Variants in GREB1L observed in about 807,000 individuals in gnomAD.
GREB1L encodes the protein GREB1 like retinoic acid receptor coactivator, also known as GREB1-like protein.
GREB1L carries 17 observed loss-of-function variants against 200.8 expected under a neutral mutation model. That is an observed-to-expected ratio of 0.08 (90% CI 0.06 to 0.13). The LOEUF (loss-of-function observed/expected upper bound fraction) is 0.13, where lower values mean the gene tolerates loss of function less well. Among genes scored for constraint, GREB1L ranks in the 10% least tolerant of loss-of-function variants. The pLI, the probability that GREB1L is intolerant of heterozygous loss-of-function variation, is 1.00. For missense variants in GREB1L, 1,657 were observed against 2,367.7 expected (o/e 0.70, Z 6.23); for synonymous variants, 789 against 893.0 (o/e 0.88, Z 2.08).
intron 1 of GREB1L, among the ~76,000 whole-genome samples, chr18:21,358,075 A>AT (rs1026430011): frequency 2.0e-5 from 3 of 152,122 alleles, no homozygotes; most frequent in African/African-American, 7.2e-5. Context: ...AACAATATTC[A>AT]TTTTTTAAAT....
At chr18:21,459,410 C>T (rs775193306) in intron 15 of GREB1L, among the ~76,000 whole-genome samples, 8 of 151,120 alleles carry the variant, frequency 5.3e-5, no homozygotes, top group Admixed American at 1.3e-4. Flanking sequence ...CCCAGCCTTC[C>T]GAGTAGCTTG....
chr18:21,493,344 G>T (rs1156276857), intron 19 of GREB1L, among the ~76,000 whole-genome samples: 1 of 152,176 alleles, frequency 6.6e-6, no homozygotes, highest in Non-Finnish European at 1.5e-5. Flanking sequence ...GCTTTCATTA[G>T]ATGTCCTTGT....
chr18:21,500,004 G>A lies in GREB1L; in HGVS notation c.3667G>A (p.Gly1223Ser), dbSNP rs1296113358. 2 of 1,551,448 alleles carry A rather than the reference G, an allele frequency of 1.3e-6. No individual in the cohort carries two copies. The highest frequency in any genetic ancestry group is 1.7e-6 in the Non-Finnish European group (2 of 1,146,980). Residue 1223 changes from glycine (G) to serine (S), a missense_variant, in exon 22 of 33, where the codon GGC (glycine) becomes AGC (serine). By Grantham distance (56) the Gly-to-Ser change is moderately conservative. Transcript: ENST00000424526. ...WPGQPIRGCRGPQAALPPVVI... is the reference protein window; with the variant it reads ...WPGQPIRGCRSPQAALPPVVI... The stretch of plus-strand genomic sequence containing the variant: ...GGGACAGCCCATCAGAGGCTGCCGG[G>A]GCCCACAGGCAGCCCTGCCACCAGT...
At chr18:21,463,134 C>CTTTTTTTTTT (rs11355874) in intron 15 of GREB1L, among the ~76,000 whole-genome samples, 1 of 55,640 alleles carries the variant, frequency 1.8e-5, no homozygotes, top group Non-Finnish European at 3.0e-5. Flanking sequence ...CTTAATGGTT[C>CTTTTTTTTTT]TTTTTTTTTT....
At chr18:21,461,248 TAG>T (rs778720912) in intron 15 of GREB1L, among the ~76,000 whole-genome samples, 1 of 152,130 alleles carries the variant, frequency 6.6e-6, no homozygotes, top group Non-Finnish European at 1.5e-5. Flanking sequence ...TCACCCCAGA[TAG>T]AGTTTCCACC....
intron 23 of GREB1L, among the ~76,000 whole-genome samples, chr18:21,504,745 T>C (rs765710677): frequency 2.6e-5 from 4 of 152,098 alleles, no homozygotes; most frequent in Admixed American, 1.3e-4. Context: ...GGGAGGATCA[T>C]TTGATCCCAG....
intron 14 of GREB1L, among the ~76,000 whole-genome samples, chr18:21,454,120 A>G (rs907659304): frequency 6.6e-6 from 1 of 152,194 alleles, no homozygotes; most frequent in Non-Finnish European, 1.5e-5. Context: ...TGAGATAATC[A>G]ATCAATTTTT....
intron 1 of GREB1L, among the ~76,000 whole-genome samples, chr18:21,348,917 C>T (rs1353682878): frequency 6.6e-6 from 1 of 152,194 alleles, no homozygotes; most frequent in Admixed American, 6.5e-5. Context: ...TGCACTCCAG[C>T]CTGGGTGACA....
chr18:21,344,764 C>T (rs1018400925), intron 1 of GREB1L, among the ~76,000 whole-genome samples: 8 of 152,186 alleles, frequency 5.3e-5, no homozygotes, highest in Admixed American at 5.2e-4. Flanking sequence ...TCTGGGAACT[C>T]ATAGGCAGTC....
At chr18:21,348,468 A>G (rs2039385417) in intron 1 of GREB1L, among the ~76,000 whole-genome samples, 2 of 151,868 alleles carry the variant, frequency 1.3e-5, no homozygotes, top group African/African-American at 2.4e-5. Context: ...GTGAGACCCC[A>G]TCTCTACAAA....
chr18:21,384,505 A>G, intron 4 of GREB1L, 102 bp downstream of exon 4: 1 of 869,684 alleles, frequency 1.1e-6, no homozygotes, highest in Non-Finnish European at 1.8e-6. Flanking sequence ...ACTAGTAATT[A>G]TCGTATGGAG....
At chr18:21,467,991 C>G (rs2035330847) in intron 15 of GREB1L, among the ~76,000 whole-genome samples, 2 of 149,024 alleles carry the variant, frequency 1.3e-5, no homozygotes, top group Non-Finnish European at 3.0e-5. Context: ...TGCCACTGCA[C>G]TCCAGCCTGG....
chr18:21,419,186 T>C (rs1156557806), intron 7 of GREB1L, among the ~76,000 whole-genome samples: 1 of 152,190 alleles, frequency 6.6e-6, no homozygotes, highest in East Asian at 1.9e-4. Flanking sequence ...TTTATGTAAG[T>C]ATATTCTAGA....
intron 11 of GREB1L, among the ~76,000 whole-genome samples, chr18:21,446,804 G>T (rs371766677): frequency 1.9e-3 from 290 of 152,308 alleles, no homozygotes; most frequent in African/African-American, 6.9e-3. Flanking sequence ...CAGTTACTTA[G>T]AGGTATCAGA....
intron 4 of GREB1L, among the ~76,000 whole-genome samples, chr18:21,392,942 T>A (rs1380045809): frequency 6.6e-6 from 1 of 151,950 alleles, no homozygotes; most frequent in East Asian, 1.9e-4. Flanking sequence ...CGACTAATTT[T>A]TGTATTTTTT....
chr18:21,274,975 G>C (rs966456559), intron 1 of GREB1L, among the ~76,000 whole-genome samples: 3 of 151,848 alleles, frequency 2.0e-5, no homozygotes, highest in Admixed American at 6.6e-5. Context: ...GGGCTTGGTG[G>C]CTCATGCCTG....
At chr18:21,308,276 A>C (rs2038733706) in intron 1 of GREB1L, among the ~76,000 whole-genome samples, 1 of 152,204 alleles carries the variant, frequency 6.6e-6, no homozygotes, top group African/African-American at 2.4e-5. Flanking sequence ...TGAAATAGCT[A>C]CTGTAAACCA....
At chr18:21,521,363 C>T (rs1296757435) in intron 32 of GREB1L, among the ~76,000 whole-genome samples, 1 of 148,476 alleles carries the variant, frequency 6.7e-6, no homozygotes, top group African/African-American at 2.5e-5. Context: ...AACAGTGAAA[C>T]TCCATCTCAA....
intron 29 of GREB1L, 49 bp downstream of exon 29, chr18:21,515,693 T>A: frequency 7.5e-7 from 1 of 1,325,752 alleles, no homozygotes; most frequent in South Asian, 1.3e-5. Flanking sequence ...TACTGATTGC[T>A]TCTGCCCAGC....
Sources: gnomAD v4.1 joint callset for allele counts (sites outside exome capture counted in the v4.1 genomes callset) on GRCh38, gnomAD v4.1.1 for gene constraint, MANE v1.5 for transcripts, NCBI Gene and HGNC (gene_info 2026-07-23, HGNC 2026-07-21) for gene names.